STK33: variants seen among roughly 807,000 people sequenced by gnomAD.
STK33 encodes the protein serine/threonine kinase 33.
In STK33, 52 loss-of-function variants were observed where a neutral mutation model predicts 58.0. The observed-to-expected ratio is 0.90, with a 90% CI of 0.72 to 1.13. STK33 has a LOEUF of 1.13. STK33 is among the 50% of genes most tolerant of loss of function. STK33 has a pLI of 0.00. For synonymous variants in STK33, 215 were observed against 200.1 expected, an observed-to-expected ratio of 1.07 and a Z score of -0.63; for missense variants, 630 against 604.2, an observed-to-expected ratio of 1.04 and a Z score of -0.45.
chr11:8,547,160 A>C (rs1177380445), intron 1 of STK33, among the ~76,000 whole-genome samples: 1 of 152,176 alleles, frequency 6.6e-6, no homozygotes, highest in Non-Finnish European at 1.5e-5. Context: ...CCTTATGATT[A>C]GCGATAAGAA....
chr11:8,425,800 G>A (rs560414171), intron 14 of STK33, among the ~76,000 whole-genome samples: 9 of 152,096 alleles, frequency 5.9e-5, no homozygotes, highest in African/African-American at 2.2e-4. Flanking sequence ...TTTTTGAAAA[G>A]GGAAAAGTTC....
chr11:8,345,018 C>G, the STK33 span, among the ~76,000 whole-genome samples: 1 of 152,196 alleles, frequency 6.6e-6, no homozygotes, highest in African/African-American at 2.4e-5. Context: ...CTCAACGTCC[C>G]CAGCAGAAAG....
At position 8,449,402 on chromosome 11, in the gene STK33, A is replaced by G. The variant is rs1346281304; in HGVS notation, c.871+3420T>C. ...CCAACCCAAATGTCCAACAATGATC[A>G]ACTGGATTAAGAAAATGTGGCACAT... On this transcript the variant is annotated intron_variant, in intron 11 of 15. Transcript: ENST00000687296. Among the ~76,000 whole-genome samples, 43 of 151,736 alleles carry G rather than the reference A, an allele frequency of 2.8e-4. 2 individuals are homozygous for G. Among genetic ancestry groups the G allele is most frequent in the South Asian group, 4.2e-4 (2 of 4,816 alleles).
rs1005455532 is a variant in STK33, at chr11:8,440,859, C to G, written c.872-106G>C. On this transcript the variant is annotated intron_variant, in intron 11 of 15. Coordinates refer to ENST00000687296, the MANE Select transcript of STK33 (RefSeq NM_001352389.2). Reference sequence around the variant, plus strand: ...TGCTGATGTGCTGTAATTTATTCCCCCATAGGGAAAAGAGAACCAACAGCA... The same window carrying G: ...TGCTGATGTGCTGTAATTTATTCCCGCATAGGGAAAAGAGAACCAACAGCA... The G allele has an allele frequency of 3.0e-5, 34 of 1,151,528 alleles. No homozygotes were observed. The East Asian group carries it at 8.7e-4, about 29-fold the overall frequency. The allele number at this position is 1,151,528 out of a possible 1,614,324, so 71.3% of individuals were successfully genotyped here. A position where few individuals can be genotyped will look rare whatever the true frequency, so the allele number is the denominator to read the frequency against.
At chr11:8,592,130 T>C (rs1591953319) in intron 1 of STK33, among the ~76,000 whole-genome samples, 3 of 152,152 alleles carry the variant, frequency 2.0e-5, no homozygotes, top group African/African-American at 7.2e-5. Context: ...TGATTCCAGT[T>C]TTTGCCCCAG....
chr11:8,343,052 G>C, the STK33 span, among the ~76,000 whole-genome samples: 1 of 152,262 alleles, frequency 6.6e-6, no homozygotes, highest in Admixed American at 6.5e-5. Context: ...AGAAGGACTT[G>C]AACTTAAACC....
the STK33 span, among the ~76,000 whole-genome samples, chr11:8,358,487 G>A: frequency 6.6e-6 from 1 of 152,180 alleles, no homozygotes; most frequent in South Asian, 2.1e-4. Context: ...TAACCGTCAG[G>A]CTGGGAAATG....
At chr11:8,445,078 T>G (rs1396222929) in intron 11 of STK33, among the ~76,000 whole-genome samples, 1 of 152,224 alleles carries the variant, frequency 6.6e-6, no homozygotes, top group African/African-American at 2.4e-5. Context: ...TGGTTTGTAG[T>G]TCTCCTTGAA....
chr11:8,393,043 C>A (rs1422110791), intron 15 of STK33, among the ~76,000 whole-genome samples: 1 of 152,186 alleles, frequency 6.6e-6, no homozygotes, highest in Admixed American at 6.5e-5. Flanking sequence ...TTACAGATTT[C>A]TACACAAGCT....
chr11:8,415,805 CATTT>C (rs989871836), intron 14 of STK33, among the ~76,000 whole-genome samples: 1 of 152,248 alleles, frequency 6.6e-6, no homozygotes, highest in Middle Eastern at 3.4e-3. Flanking sequence ...TGTGACAGCT[CATTT>C]ATTTAGGCAG....
At chr11:8,464,667 C>T (rs754947016) in intron 7 of STK33, 42 bp downstream of exon 7, 2 of 1,462,472 alleles carry the variant, frequency 1.4e-6, no homozygotes, top group Non-Finnish European at 1.9e-6. Flanking sequence ...CCACCCTGCA[C>T]TAACACTGTG....
At chr11:8,494,817 C>T (rs563623770) in intron 1 of STK33, among the ~76,000 whole-genome samples, 1 of 152,192 alleles carries the variant, frequency 6.6e-6, no homozygotes, top group Non-Finnish European at 1.5e-5. Flanking sequence ...TGATCTTTGA[C>T]AAACCTGACA....
intron 1 of STK33, among the ~76,000 whole-genome samples, chr11:8,587,764 G>A (rs1178510899): frequency 1.3e-5 from 2 of 152,106 alleles, no homozygotes; most frequent in African/African-American, 4.8e-5. Context: ...TCCCCAAGGG[G>A]TCAAGCGGGA....
chr11:8,349,892 C>T, the STK33 span, among the ~76,000 whole-genome samples: 1 of 152,250 alleles, frequency 6.6e-6, no homozygotes, highest in African/African-American at 2.4e-5. Context: ...GGAAACCCTC[C>T]TTCATAAATC....
intron 11 of STK33, among the ~76,000 whole-genome samples, chr11:8,443,100 C>A (rs1245861561): frequency 6.6e-6 from 1 of 152,038 alleles, no homozygotes; most frequent in Non-Finnish European, 1.5e-5. Flanking sequence ...AAACTATATT[C>A]CTAAAAAGCA....
intron 1 of STK33, among the ~76,000 whole-genome samples, chr11:8,587,397 T>C (rs2031856201): frequency 6.6e-6 from 1 of 152,046 alleles, no homozygotes. Context: ...AAGCTAGAAA[T>C]GCAGGACCAA....
chr11:8,473,109 T>C lies in STK33; in HGVS notation c.339+54A>G, dbSNP rs576657802. The C allele has an allele frequency of 1.5e-4, 165 of 1,107,482 alleles. 2 individuals carry two copies. The South Asian group carries it at 2.3e-3, about 15-fold the overall frequency. The allele number at this position is 1,107,482 out of a possible 1,614,324, so 68.6% of individuals were successfully genotyped here. A position where few individuals can be genotyped will look rare whatever the true frequency, so the allele number is the denominator to read the frequency against. ...TTTCAATCATTTTTCCTATTAACCA[T>C]TGACTTAGAAGAAACCTGAAAGTTC... On this transcript the variant is annotated intron_variant, in intron 6 of 15. Coordinates refer to ENST00000687296, the MANE Select transcript of STK33 (RefSeq NM_001352389.2).
chr11:8,488,894 A>G (rs1565171037), intron 1 of STK33, among the ~76,000 whole-genome samples: 1 of 152,236 alleles, frequency 6.6e-6, no homozygotes, highest in Non-Finnish European at 1.5e-5. Flanking sequence ...CCAAATGTTG[A>G]ACTTACTAGA....
At chr11:8,374,381 G>A in the STK33 span, among the ~76,000 whole-genome samples, 9 of 152,208 alleles carry the variant, frequency 5.9e-5, no homozygotes, top group South Asian at 2.1e-4. Flanking sequence ...ACCACAAACC[G>A]TGTGGCTCAA....
Sources: allele counts gnomAD v4.1 joint callset (sites outside exome capture counted in the v4.1 genomes callset), GRCh38; gene constraint gnomAD v4.1.1; transcripts MANE v1.5; gene names NCBI Gene and HGNC (gene_info 2026-07-23, HGNC 2026-07-21).